TBC1D24: variants seen among roughly 807,000 people sequenced by gnomAD.
TBC1D24 encodes the protein TBC1 domain family member 24.
In TBC1D24, 47 loss-of-function variants were observed where a neutral mutation model predicts 50.7. The observed-to-expected ratio is 0.93, with a 90% confidence interval of 0.73 to 1.18. TBC1D24 has a LOEUF of 1.18. TBC1D24 is among the 50% of genes most tolerant of loss of function. The pLI, the probability that TBC1D24 is intolerant of heterozygous loss-of-function variation, is 0.00. For missense variants in TBC1D24, 688 were observed against 766.5 expected, an observed-to-expected ratio of 0.90 and a Z score of 1.21; for synonymous variants, 324 against 335.2, an observed-to-expected ratio of 0.97 and a Z score of 0.36.
chr16:2,496,655 C>A lies in TBC1D24; in HGVS notation c.507C>A (p.Ile169=), dbSNP rs529104933. The A allele has an allele frequency of 1.2e-6, 2 of 1,612,686 alleles. No individual in the cohort carries two copies. The highest frequency in any genetic ancestry group is 1.6e-4 in the Middle Eastern group (1 of 6,084). The change falls in exon 2 of 8, where the codon ATC becomes ATA. Residue 169 remains isoleucine (I), a synonymous_variant. Transcript: ENST00000646147. Reference sequence around the variant, plus strand: ...GCAATGACCCCGGCAGGAGGCTGATCGACCAGAGCTTCCTGGCCTTTGAGT... The same window carrying A: ...GCAATGACCCCGGCAGGAGGCTGATAGACCAGAGCTTCCTGGCCTTTGAGT... ...LACNDPGRRL[I]DQSFLAFESS...
rs1380243786 is a variant in TBC1D24, at chr16:2,499,155, T to A, written c.1143-202T>A. On this transcript the variant is annotated intron_variant, in intron 4 of 7. Transcript: ENST00000646147. The surrounding 1 kb of genome is among the most constrained non-coding windows in gnomAD (Gnocchi z 4.0). ...TCCACTGCAAGGCCTCTCCCCTGAG[T>A]CACACCAGGGCAGGCTGTCCTGGGG... Among the ~76,000 whole-genome samples the A allele has an allele frequency of 6.6e-6, 1 of 152,038 alleles. No homozygotes were observed. Among genetic ancestry groups the A allele is most frequent in the Non-Finnish European group, 1.5e-5 (1 of 67,984 alleles).
At chr16:2,495,485 A>G (rs2032098899) in intron 1 of TBC1D24, among the ~76,000 whole-genome samples, 1 of 152,164 alleles carries the variant, frequency 6.6e-6, no homozygotes, top group Non-Finnish European at 1.5e-5. Context: ...GTCTCTACAA[A>G]AAAATAAAAA....
rs2065775864 is a variant in TBC1D24, at chr16:2,499,844, G to A, written c.1216G>A (p.Ala406Thr). 6.2e-7 allele frequency: 1 copy of A among 1,613,952 alleles called. No individual in the cohort carries two copies. The highest frequency in any genetic ancestry group is 8.5e-7 in the Non-Finnish European group (1 of 1,179,944). ...IKTTQKEVCG[A>T]YLSTDWSERN... Reference sequence around the variant, plus strand: ...CAGACCTTTCCCCCAGGTGTGTGGTGCTTACCTGTCCACAGACTGGAGTGA... The same window carrying A: ...CAGACCTTTCCCCCAGGTGTGTGGTACTTACCTGTCCACAGACTGGAGTGA... Residue 406 changes from alanine to threonine, a missense_variant, in exon 6 of 8, where the codon GCT (alanine) becomes ACT (threonine). Coordinates refer to ENST00000646147, the MANE Select transcript of TBC1D24 (RefSeq NM_001199107.2). The surrounding 1 kb of genome is among the most constrained non-coding windows in gnomAD (Gnocchi z 4.0).
At chr16:2,493,068 G>A (rs2065708549) in intron 1 of TBC1D24, among the ~76,000 whole-genome samples, 3 of 151,734 alleles carry the variant, frequency 2.0e-5, no homozygotes, top group African/African-American at 7.3e-5. Flanking sequence ...ACTCCAGCCT[G>A]GACGACAGTG....
rs28668740 is a variant in TBC1D24, at chr16:2,502,772, G to C, written c.*1814G>C. The C allele has an allele frequency of 0.02, 2,998 of 153,164 alleles. 103 individuals are homozygous for C. Among genetic ancestry groups the C allele is most frequent in the African/African-American group, 0.068 (2,825 of 41,514 alleles). 9.5% of individuals were successfully genotyped at this position (153,164 alleles called of 1,614,324 possible). A position where few individuals can be genotyped will look rare whatever the true frequency, so the allele number is the denominator to read the frequency against. ...AAGTCGCCACTCATCTCAGCCCACCGCAGCCCTCCAGGCCCCCGCCTGAGC... is the reference window on the plus strand; with the variant it reads ...AAGTCGCCACTCATCTCAGCCCACCCCAGCCCTCCAGGCCCCCGCCTGAGC... On this transcript the variant is annotated 3_prime_UTR_variant, in exon 8 of 8. Coordinates refer to ENST00000646147, the MANE Select transcript of TBC1D24 (RefSeq NM_001199107.2).
chr16:2,490,404 CTT>C, intron 1 of TBC1D24, among the ~76,000 whole-genome samples: 1 of 152,274 alleles, frequency 6.6e-6, no homozygotes, highest in Non-Finnish European at 1.5e-5. Flanking sequence ...GGGAAGCACA[CTT>C]TAGGTGAAGG....
rs917297469 is a variant in TBC1D24, at chr16:2,483,676, G to C, written c.-116+8506G>C. On this transcript the variant is annotated intron_variant, in intron 1 of 7. Transcript: ENST00000646147. This position sits in a 1 kb window ranked among gnomAD's most constrained non-coding sequence, Gnocchi z 4.0. Reference sequence around the variant, plus strand: ...ACGGTGAACTTGGCCCTCAAGGGAGGGCAGCACAGAGAGGAAGGCCCTGAG... The same window carrying C: ...ACGGTGAACTTGGCCCTCAAGGGAGCGCAGCACAGAGAGGAAGGCCCTGAG... 3 of 152,460 alleles carry C rather than the reference G, an allele frequency of 2.0e-5. No homozygotes were observed. The highest frequency in any genetic ancestry group is 1.3e-4 in the Admixed American group (2 of 15,288). The allele number at this position is 152,460 out of a possible 1,614,324, so 9.4% of individuals were successfully genotyped here.
Position 2,500,391 on chromosome 16 carries a change from G to A in TBC1D24, c.1426G>A (p.Ala476Thr), listed in dbSNP as rs773304369. ...CAGCCACTCCGCCTCCTCAGACCCCGCTGACCGCCTCTCGCCCTTCCTGGC... is the reference window on the plus strand; with the variant it reads ...CAGCCACTCCGCCTCCTCAGACCCCACTGACCGCCTCTCGCCCTTCCTGGC... ...PLSHSASSDP[A>T]DRLSPFLAAR... Residue 476 changes from alanine (A) to threonine (T), a missense_variant, in exon 7 of 8, where the codon GCT becomes ACT. Ala to Thr is a moderately conservative substitution (Grantham distance 58, BLOSUM62 0). Transcript: ENST00000646147. This position sits in a 1 kb window ranked among gnomAD's most constrained non-coding sequence, Gnocchi z 8.0. 32 of 1,604,538 alleles carry A rather than the reference G, an allele frequency of 2.0e-5. No individual in the cohort carries two copies. The highest frequency in any genetic ancestry group is 5.4e-5 in the African/African-American group (4 of 74,664).
In TBC1D24 at chr16:2,499,856, A is replaced by T; in HGVS notation, c.1228A>T (p.Thr410Ser). The T allele has an allele frequency of 6.2e-7, 1 of 1,613,986 alleles. No individual in the cohort carries two copies. Among genetic ancestry groups the T allele is most frequent in the Non-Finnish European group, 8.5e-7 (1 of 1,179,950 alleles). ...QKEVCGAYLS[T>S]DWSERNKFGG... is the part of the protein sequence containing the mutation. ...CCAGGTGTGTGGTGCTTACCTGTCC[A>T]CAGACTGGAGTGAGAGAAATAAGTT... The change falls in exon 6 of 8, where the codon ACA becomes TCA. Residue 410 changes from threonine to serine, a missense_variant. Thr to Ser is a moderately conservative substitution (Grantham distance 58). Transcript: ENST00000646147. The surrounding 1 kb of genome is among the most constrained non-coding windows in gnomAD (Gnocchi z 4.0).
Position 2,496,061 on chromosome 16 carries a change from G to A in TBC1D24, c.-88G>A, listed in dbSNP as rs560438271. 20 of 1,561,496 alleles carry A rather than the reference G, an allele frequency of 1.3e-5. No individual in the cohort carries two copies. In the South Asian group the frequency reaches 1.5e-4, roughly 12 times the overall value. The stretch of plus-strand genomic sequence containing the variant: ...TGTGAGATGGCAGACAGGTTTGCAG[G>A]AAACCCTCAGAAAGGGGGCTGGAGG... On this transcript the variant is annotated 5_prime_UTR_variant, in exon 2 of 8. Coordinates refer to ENST00000646147, the MANE Select transcript of TBC1D24 (RefSeq NM_001199107.2).
chr16:2,493,428 C>T (rs559449647), intron 1 of TBC1D24, among the ~76,000 whole-genome samples: 26 of 152,252 alleles, frequency 1.7e-4, no homozygotes, highest in Admixed American at 1.2e-3. Flanking sequence ...CGTGAGCCAC[C>T]GCGTCCGGCC....
chr16:2,476,438 A>T (rs928758906), intron 1 of TBC1D24: 8 of 152,290 alleles, frequency 5.3e-5, no homozygotes. Flanking sequence ...AGAGAAGATC[A>T]GAAAATCTTA....
At chr16:2,481,595 G>A (rs1303244598) in intron 1 of TBC1D24, 2 of 152,326 alleles carry the variant, frequency 1.3e-5, no homozygotes, top group South Asian at 2.1e-4. Context: ...CTGTGTCCTG[G>A]GGGTGTTTTT....
rs1235032651 is a variant in TBC1D24, at chr16:2,483,179, G to C, written c.-116+8009G>C. On this transcript the variant is annotated intron_variant, in intron 1 of 7. Coordinates refer to ENST00000646147, the MANE Select transcript of TBC1D24 (RefSeq NM_001199107.2). The surrounding 1 kb of genome is among the most constrained non-coding windows in gnomAD (Gnocchi z 4.0). The stretch of plus-strand genomic sequence containing the variant: ...CTGACAAGCCCCCTTTCTTGGGGTA[G>C]AGTGGGTGGGACGGGGCAGCTGTGA... The C allele has an allele frequency of 1.3e-5, 2 of 152,556 alleles. No individual in the cohort carries two copies. Among genetic ancestry groups the C allele is most frequent in the African/African-American group, 4.8e-5 (2 of 41,446 alleles). The allele number at this position is 152,556 out of a possible 1,614,324, so 9.5% of individuals were successfully genotyped here. A position where few individuals can be genotyped will look rare whatever the true frequency, so the allele number is the denominator to read the frequency against.
chr16:2,497,643 C>G, intron 2 of TBC1D24, 67 bp from the exon 3 acceptor site: 1 of 1,485,956 alleles, frequency 6.7e-7, no homozygotes, highest in Non-Finnish European at 9.1e-7. Context: ...GATCGGTACT[C>G]ACACTAACCT....
intron 1 of TBC1D24, among the ~76,000 whole-genome samples, chr16:2,494,151 C>G (rs928481220): frequency 1.3e-5 from 2 of 152,280 alleles, no homozygotes; most frequent in Non-Finnish European, 2.9e-5. Flanking sequence ...TGGTGGCTCA[C>G]GCCTGTAATC....
chr16:2,496,529 C>A lies in TBC1D24; in HGVS notation c.381C>A (p.Asp127Glu), dbSNP rs1376844321. 5 of 1,608,698 alleles carry A rather than the reference C, an allele frequency of 3.1e-6. No individual in the cohort carries two copies. In the Admixed American group the frequency reaches 6.7e-5, roughly 21 times the overall value. ...ILLCLANQFP[D>E]ISFCPALPAV... ...TGTGCCTGGCCAACCAGTTCCCCGA[C>A]ATCTCCTTCTGCCCCGCCCTGCCGG... The change falls in exon 2 of 8, where the codon GAC becomes GAA. Residue 127 changes from aspartate (D) to glutamate (E), a missense_variant. By Grantham distance (45) the Asp-to-Glu change is conservative (BLOSUM62 2). Coordinates refer to ENST00000646147, the MANE Select transcript of TBC1D24 (RefSeq NM_001199107.2).
chr16:2,487,016 G>A lies in TBC1D24; in HGVS notation c.-115-9018G>A, dbSNP rs538679063. On this transcript the variant is annotated intron_variant, in intron 1 of 7. Transcript: ENST00000646147. The surrounding 1 kb of genome is among the most constrained non-coding windows in gnomAD (Gnocchi z 4.1). Reference sequence around the variant, plus strand: ...GGCCACCAGGGGGATTTTTGTAAACGCAGATCTGATCGGGTCACCTGCCTA... The same window carrying A: ...GGCCACCAGGGGGATTTTTGTAAACACAGATCTGATCGGGTCACCTGCCTA... Among the ~76,000 whole-genome samples the A allele has an allele frequency of 3.9e-5, 6 of 152,170 alleles. No homozygotes were observed. Among genetic ancestry groups the A allele is most frequent in the Non-Finnish European group, 7.3e-5 (5 of 68,036 alleles).
Position 2,496,263 on chromosome 16 carries a change from G to A in TBC1D24, c.115G>A (p.Ala39Thr), listed in dbSNP as rs770363653. ...CTELQELKQLARQGYWAQSHA... is the reference protein window; with the variant it reads ...CTELQELKQLTRQGYWAQSHA... Reference sequence around the variant, plus strand: ...TGAACTGCAGGAACTGAAGCAGCTGGCGCGCCAGGGCTACTGGGCCCAAAG... The same window carrying A: ...TGAACTGCAGGAACTGAAGCAGCTGACGCGCCAGGGCTACTGGGCCCAAAG... The change falls in exon 2 of 8, where the codon GCG becomes ACG. Residue 39 changes from alanine to threonine, a missense_variant. Coordinates refer to ENST00000646147, the MANE Select transcript of TBC1D24 (RefSeq NM_001199107.2). 6.2e-7 allele frequency: 1 copy of A among 1,613,820 alleles called. No individual in the cohort carries two copies. The highest frequency in any genetic ancestry group is 1.1e-5 in the South Asian group (1 of 91,088).
Sources: allele counts gnomAD v4.1 joint callset (sites outside exome capture counted in the v4.1 genomes callset), GRCh38; gene constraint gnomAD v4.1.1; non-coding constraint Gnocchi (gnomAD v3.1); transcripts MANE v1.5; gene names NCBI Gene and HGNC (gene_info 2026-07-23, HGNC 2026-07-21).